Variants in RSRC1 observed in about 807,000 individuals in gnomAD.
The protein encoded by RSRC1 is arginine and serine rich coiled-coil 1.
Under a neutral mutation model 49.1 loss-of-function variants are expected in RSRC1, and 39 were observed. The observed-to-expected ratio is 0.79, with a 90% CI of 0.61 to 1.04. The LOEUF is 1.04. RSRC1 is among the 50% of genes least tolerant of loss of function. The pLI, the probability that RSRC1 is intolerant of heterozygous loss-of-function variation, is 0.00. For synonymous variants in RSRC1, 143 were observed against 130.8 expected (o/e 1.09, Z -0.63); for missense variants, 388 against 402.4 (o/e 0.96, Z 0.31).
At chr3:158,526,450 C>T (rs1051570681) in intron 7 of RSRC1, among the ~76,000 whole-genome samples, 2 of 151,896 alleles carry the variant, frequency 1.3e-5, no homozygotes, top group Admixed American at 1.3e-4. Context: ...GTGAAACATG[C>T]TAAGGCACTT....
chr3:158,308,779 T>G (rs1268872405), intron 5 of RSRC1, among the ~76,000 whole-genome samples: 1 of 151,918 alleles, frequency 6.6e-6, no homozygotes, highest in Non-Finnish European at 1.5e-5. Context: ...AGACATTATC[T>G]CTTGATGATT....
chr3:158,279,003 A>G (rs1449717658), intron 4 of RSRC1, among the ~76,000 whole-genome samples: 1 of 152,206 alleles, frequency 6.6e-6, no homozygotes, highest in African/African-American at 2.4e-5. Flanking sequence ...AAGCACAATG[A>G]ATTGCCATTT....
chr3:158,349,330 T>A (rs1048700962), intron 5 of RSRC1, among the ~76,000 whole-genome samples: 1 of 152,138 alleles, frequency 6.6e-6, no homozygotes, highest in African/African-American at 2.4e-5. Flanking sequence ...TGATTAGCAA[T>A]GTTGAGCATT....
chr3:158,431,505 C>G lies in RSRC1; in HGVS notation c.584-29430C>G, dbSNP rs1002097389. On this transcript the variant is annotated intron_variant, in intron 6 of 9. Coordinates refer to ENST00000611884, the MANE Select transcript of RSRC1 (RefSeq NM_001271838.2). Reference sequence around the variant, plus strand: ...AAATTAGACTAAGTTTCTCTATTAACTTTACCACAATACACTGCTTATAAT... The same window carrying G: ...AAATTAGACTAAGTTTCTCTATTAAGTTTACCACAATACACTGCTTATAAT... 5.3e-5 allele frequency among the ~76,000 whole-genome samples: 8 copies of G among 151,728 alleles called. No individual in the cohort carries two copies. In the East Asian group the frequency reaches 7.8e-4, roughly 15 times the overall value.
intron 4 of RSRC1, among the ~76,000 whole-genome samples, chr3:158,221,965 C>T (rs1225876116): frequency 6.6e-6 from 1 of 151,374 alleles, no homozygotes; most frequent in African/African-American, 2.4e-5. Context: ...TGCTTGTGTA[C>T]AAATGTTTTG....
rs539322963 is a variant in RSRC1 at position 158,201,539 on chromosome 3, TAC to T, written c.321-1531_321-1530del. Among the ~76,000 whole-genome samples, 702 of 152,266 alleles carry T rather than the reference TAC, an allele frequency of 4.6e-3. 6 individuals are homozygous for T. Among genetic ancestry groups the T allele is most frequent in the Non-Finnish European group, 8.2e-3 (557 of 67,988 alleles). On this transcript the variant is annotated intron_variant, in intron 3 of 9. Coordinates refer to ENST00000611884, the MANE Select transcript of RSRC1 (RefSeq NM_001271838.2). Reference sequence around the variant, plus strand: ...ACAGATCCCTGAGGGGCTTTCTTATTACAGTCTTTTTTCCTCTTAATTCTTCA... The same window carrying T: ...ACAGATCCCTGAGGGGCTTTCTTATTAGTCTTTTTTCCTCTTAATTCTTCA...
intron 3 of RSRC1, among the ~76,000 whole-genome samples, chr3:158,177,404 A>G (rs1409828760): frequency 6.6e-6 from 1 of 152,210 alleles, no homozygotes; most frequent in Non-Finnish European, 1.5e-5. Flanking sequence ...AATGCCCATC[A>G]GTGATAGACT....
intron 6 of RSRC1, among the ~76,000 whole-genome samples, chr3:158,389,816 G>A (rs954660186): frequency 1.3e-5 from 2 of 152,134 alleles, no homozygotes; most frequent in African/African-American, 4.8e-5. Context: ...TCTTTCCAGA[G>A]CAGTGCAGGA....
chr3:158,540,722 A>G (rs770700265), intron 8 of RSRC1, among the ~76,000 whole-genome samples: 5 of 151,958 alleles, frequency 3.3e-5, no homozygotes, highest in Non-Finnish European at 7.4e-5. Context: ...GTTCTTCCTG[A>G]TTTTCCTTTT....
At chr3:158,173,734 CA>C (rs778887248) in intron 3 of RSRC1, among the ~76,000 whole-genome samples, 10 of 151,818 alleles carry the variant, frequency 6.6e-5, no homozygotes, top group Non-Finnish European at 1.5e-4. Flanking sequence ...AACGAATAAA[CA>C]AAATGTGGTA....
chr3:158,489,847 C>G (rs74614334), intron 7 of RSRC1, among the ~76,000 whole-genome samples: 1,805 of 152,118 alleles, frequency 0.012, 29 homozygotes, highest in African/African-American at 0.041. Context: ...GGATTAGTAT[C>G]TTACTAACCT....
intron 5 of RSRC1, among the ~76,000 whole-genome samples, chr3:158,328,849 T>G (rs1729359618): frequency 1.3e-5 from 2 of 152,228 alleles, no homozygotes; most frequent in South Asian, 4.1e-4. Context: ...CTTGGTTCCA[T>G]TCTCCCCATC....
At chr3:158,327,225 C>T (rs1368632781) in intron 5 of RSRC1, among the ~76,000 whole-genome samples, 1 of 152,040 alleles carries the variant, frequency 6.6e-6, no homozygotes, top group African/African-American at 2.4e-5. Flanking sequence ...TTTTGTGTCT[C>T]TATCTCCTTC....
At chr3:158,257,655 T>TA (rs1724643417) in intron 4 of RSRC1, among the ~76,000 whole-genome samples, 1 of 152,180 alleles carries the variant, frequency 6.6e-6, no homozygotes. Flanking sequence ...TATTGATAAA[T>TA]AGATACTTAC....
chr3:158,444,453 A>T (rs529958572), intron 6 of RSRC1, among the ~76,000 whole-genome samples: 1 of 152,330 alleles, frequency 6.6e-6, no homozygotes, highest in Admixed American at 6.5e-5. Context: ...CTGGCTAGCC[A>T]TATATAGAAG....
chr3:158,152,064 ATATCT>A (rs1233056160), intron 3 of RSRC1, among the ~76,000 whole-genome samples: 1 of 138,204 alleles, frequency 7.2e-6, no homozygotes, highest in Non-Finnish European at 1.5e-5. Context: ...ATTAAAAATC[ATATCT>A]TATGGGCAAA....
chr3:158,232,936 A>C (rs1723048041), intron 4 of RSRC1, among the ~76,000 whole-genome samples: 1 of 152,172 alleles, frequency 6.6e-6, no homozygotes, highest in Non-Finnish European at 1.5e-5. Flanking sequence ...GTGTTGCATG[A>C]AGCTTTGAGC....
intron 3 of RSRC1, among the ~76,000 whole-genome samples, chr3:158,196,179 AGT>A (rs138752179): frequency 0.68 from 102,889 of 151,038 alleles, 35,347 homozygotes; most frequent in East Asian, 0.84. Context: ...TTCGTTGAGC[AGT>A]GTGGTTTGTA....
Position 158,237,475 on chromosome 3 carries a change from T to C in RSRC1, c.494+34230T>C, listed in dbSNP as rs80055636. On this transcript the variant is annotated intron_variant, in intron 4 of 9. Coordinates refer to ENST00000611884, the MANE Select transcript of RSRC1 (RefSeq NM_001271838.2). ...TGTTCCAGCAAAAAGTTTCAGGTGT[T>C]GCACATCTTCACCAACATTTGGTGT... Among the ~76,000 whole-genome samples the C allele has an allele frequency of 3.3e-4, 51 of 152,370 alleles. No homozygotes were observed. The East Asian group carries it at 9.6e-3, about 29-fold the overall frequency.
Sources: gnomAD v4.1 joint callset for allele counts (sites outside exome capture counted in the v4.1 genomes callset) on GRCh38, gnomAD v4.1.1 for gene constraint, MANE v1.5 for transcripts, NCBI Gene and HGNC (gene_info 2026-07-23, HGNC 2026-07-21) for gene names.